The following CANT1 variants were observed in gnomAD, a reference collection of about 807,000 sequenced individuals.
CANT1 encodes soluble calcium-activated nucleotidase 1.
CANT1 carries 26 observed loss-of-function variants against 30.0 expected under a neutral mutation model. The ratio of observed to expected loss-of-function variants is 0.87; its 90% CI spans 0.64 to 1.20. The LOEUF (loss-of-function observed/expected upper bound fraction) is 1.20. CANT1 is among the 50% of genes most tolerant of loss of function. The pLI, the probability that CANT1 is intolerant of heterozygous loss-of-function variation, is 0.00. For synonymous variants in CANT1, 246 were observed against 251.8 expected, an observed-to-expected ratio of 0.98 and a Z score of 0.22; for missense variants, 518 against 563.0, an observed-to-expected ratio of 0.92 and a Z score of 0.81.
chr17:78,995,558 G>A lies in CANT1; in HGVS notation c.632-337C>T, dbSNP rs1309864133. Among the ~76,000 whole-genome samples, 3 of 152,220 alleles carry A rather than the reference G, an allele frequency of 2.0e-5. No homozygotes were observed. The highest frequency in any genetic ancestry group is 3.9e-4 in the East Asian group (2 of 5,194). ...GGGCACGTGTGTCCCAGGGGAGTGC[G>A]GGTGCTGCCCTCGGCCACACCTGAG... On this transcript the variant is annotated intron_variant, in intron 3 of 4. Coordinates refer to ENST00000392446, the MANE Select transcript of CANT1 (RefSeq NM_001159773.2). The surrounding 1 kb of genome is among the most constrained non-coding windows in gnomAD (Gnocchi z 5.7).
chr17:79,007,743 G>A (rs1568048233), intron 1 of CANT1, among the ~76,000 whole-genome samples: 1 of 152,160 alleles, frequency 6.6e-6, no homozygotes, highest in South Asian at 2.1e-4. Flanking sequence ...GAGTGAAAAC[G>A]TTCTGGAGTA....
chr17:78,999,742 C>T (rs2071185764), intron 1 of CANT1, among the ~76,000 whole-genome samples: 2 of 151,262 alleles, frequency 1.3e-5, no homozygotes, highest in Non-Finnish European at 2.9e-5. Context: ...CAACCTCCGC[C>T]TCCTGGGTTC....
At position 78,997,499 on chromosome 17, in the gene CANT1, G is replaced by A. The variant is rs779376004; in HGVS notation, c.124C>T (p.Arg42Cys). ...TKAADPRFRP[R>C]WKVILTFFVG... is the part of the protein sequence containing the mutation. ...AAGAACGTCAGGATCACCTTCCAGC[G>A]GGGGCGGAAGCGGGGGTCCGCGGCC... Residue 42 changes from arginine to cysteine, a missense_variant, in exon 3 of 5, where the codon CGC becomes TGC. Physicochemically the swap from Arg to Cys is radical, Grantham distance 180. Transcript: ENST00000392446. The surrounding 1 kb of genome is among the most constrained non-coding windows in gnomAD (Gnocchi z 7.5). 8 of 1,578,524 alleles carry A rather than the reference G, an allele frequency of 5.1e-6. No individual in the cohort carries two copies. Among genetic ancestry groups the A allele is most frequent in the African/African-American group, 1.3e-5 (1 of 74,228 alleles).
In CANT1 at chr17:78,996,769, T is replaced by A. The variant is rs1280196667; in HGVS notation, c.631+223A>T. ...CACGTCTCCCACAGGCCTCTAGCGATAAGCTCTTCCTCCTAGAAACTGCTC... is the reference window on the plus strand; with the variant it reads ...CACGTCTCCCACAGGCCTCTAGCGAAAAGCTCTTCCTCCTAGAAACTGCTC... On this transcript the variant is annotated intron_variant, in intron 3 of 4. Transcript: ENST00000392446. This position sits in a 1 kb window ranked among gnomAD's most constrained non-coding sequence, Gnocchi z 5.1. Among the ~76,000 whole-genome samples the A allele has an allele frequency of 6.6e-6, 1 of 152,136 alleles. No individual in the cohort carries two copies. Among genetic ancestry groups the A allele is most frequent in the African/African-American group, 2.4e-5 (1 of 41,436 alleles).
chr17:79,007,723 A>G (rs116304803), intron 1 of CANT1, among the ~76,000 whole-genome samples: 3,936 of 152,316 alleles, frequency 0.026, 59 homozygotes, highest in Middle Eastern at 0.041. Flanking sequence ...CCAGGTGCAC[A>G]GTGACGGGTG....
Position 78,995,291 on chromosome 17 carries a change from G to T in CANT1, c.632-70C>A. 1 of 1,506,558 alleles carries T rather than the reference G, an allele frequency of 6.6e-7. No individual in the cohort carries two copies. The highest frequency in any genetic ancestry group is 9.1e-7 in the Non-Finnish European group (1 of 1,104,268). The allele number at this position is 1,506,558 out of a possible 1,614,324, so 93.3% of individuals were successfully genotyped here. On this transcript the variant is annotated intron_variant, in intron 3 of 4. Transcript: ENST00000392446. This position sits in a 1 kb window ranked among gnomAD's most constrained non-coding sequence, Gnocchi z 5.7. ...GCACCCCTGCACCTGGCTCCCACCCGGCCCCGCACCTGTCCTTAGACCCCG... is the reference window on the plus strand; with the variant it reads ...GCACCCCTGCACCTGGCTCCCACCCTGCCCCGCACCTGTCCTTAGACCCCG...
chr17:78,995,795 GT>G lies in CANT1; in HGVS notation c.632-575del, dbSNP rs1293074409. Among the ~76,000 whole-genome samples, 1 of 152,196 alleles carries G rather than the reference GT, an allele frequency of 6.6e-6. No homozygotes were observed. The highest frequency in any genetic ancestry group is 1.5e-5 in the Non-Finnish European group (1 of 68,036). ...ATTCTTATCATCCCTACACCCTGGT[GT>G]TCTAACTTCTGTTTGCTTTCCCCAA... On this transcript the variant is annotated intron_variant, in intron 3 of 4. Coordinates refer to ENST00000392446, the MANE Select transcript of CANT1 (RefSeq NM_001159773.2). The surrounding 1 kb of genome is among the most constrained non-coding windows in gnomAD (Gnocchi z 5.7).
chr17:79,006,999 C>T (rs1322203884), intron 1 of CANT1, among the ~76,000 whole-genome samples: 3 of 152,232 alleles, frequency 2.0e-5, no homozygotes, highest in African/African-American at 4.8e-5. Flanking sequence ...GGTGGCATCA[C>T]GCACTGTCTT....
rs2070860786 is a variant in CANT1, at chr17:78,992,148, A to G, written c.*1402T>C. ...CTTCGCTTCCTCCACTACCTATGAC[A>G]TAGCGGGGGAAAGAGACAACCATGA... On this transcript the variant is annotated 3_prime_UTR_variant, in exon 5 of 5. Coordinates refer to ENST00000392446, the MANE Select transcript of CANT1 (RefSeq NM_001159773.2). 2 of 232,236 alleles carry G rather than the reference A, an allele frequency of 8.6e-6. No individual in the cohort carries two copies. Among genetic ancestry groups the G allele is most frequent in the East Asian group, 6.1e-5 (1 of 16,406 alleles). The allele number at this position is 232,236 out of a possible 1,614,324, so 14.4% of individuals were successfully genotyped here. A position where few individuals can be genotyped will look rare whatever the true frequency, so the allele number is the denominator to read the frequency against.
At chr17:78,994,948 C>T in intron 4 of CANT1, 70 bp downstream of exon 4, 1 of 1,483,018 alleles carries the variant, frequency 6.7e-7, no homozygotes, top group East Asian at 2.5e-5. Context: ...GAGGCAAATG[C>T]AGGAGGAAGC....
In CANT1 at chr17:78,993,871, C is replaced by T. The variant is rs1469385683; in HGVS notation, c.885G>A (p.Trp295Ter). 3 of 1,595,982 alleles carry T rather than the reference C, an allele frequency of 1.9e-6. No homozygotes were observed. The Admixed American group carries it at 5.1e-5, about 27-fold the overall frequency. ...SACWSDTLQR[W>*]FFLPRRASQE... is the part of the protein sequence containing the mutation. ...GGCTGGCGCGGCGCGGCAGGAAGAA[C>T]CAGCGCTGCAGCGTGTCACTCCAGC... The change falls in exon 5 of 5, where the codon TGG (tryptophan) becomes TGA (stop). Residue 295 changes from tryptophan to a stop codon, truncating the protein, a stop_gained. Coordinates refer to ENST00000392446, the MANE Select transcript of CANT1 (RefSeq NM_001159773.2). LOFTEE classifies it high-confidence loss of function. This position sits in a 1 kb window ranked among gnomAD's most constrained non-coding sequence, Gnocchi z 4.5.
intron 1 of CANT1, among the ~76,000 whole-genome samples, chr17:78,999,163 GC>G (rs538303118): frequency 1.2e-3 from 183 of 152,322 alleles, no homozygotes; most frequent in African/African-American, 4.2e-3. Context: ...AGTGAACAAG[GC>G]ACATACGTGG....
Position 78,997,713 on chromosome 17 carries a change from G to T in CANT1, c.-22-69C>A. 7.3e-7 allele frequency: 1 copy of T among 1,369,762 alleles called. No individual in the cohort carries two copies. Among genetic ancestry groups the T allele is most frequent in the Non-Finnish European group, 9.7e-7 (1 of 1,027,338 alleles). The allele number at this position is 1,369,762 out of a possible 1,614,324, so 84.9% of individuals were successfully genotyped here. A position where few individuals can be genotyped will look rare whatever the true frequency, so the allele number is the denominator to read the frequency against. On this transcript the variant is annotated intron_variant, in intron 2 of 4. Coordinates refer to ENST00000392446, the MANE Select transcript of CANT1 (RefSeq NM_001159773.2). This position sits in a 1 kb window ranked among gnomAD's most constrained non-coding sequence, Gnocchi z 7.5. ...GCCCAGTCACATCTTAGTTCCGGAAGCTGCAGGCGCTGGAGGCTGACTTTT... is the reference window on the plus strand; with the variant it reads ...GCCCAGTCACATCTTAGTTCCGGAATCTGCAGGCGCTGGAGGCTGACTTTT...
Position 78,992,552 on chromosome 17 carries a change from C to G in CANT1, c.*998G>C, listed in dbSNP as rs78037898. Reference sequence around the variant, plus strand: ...GAGAAATAAAGGCCATGGAAAGAAACCCCAGGGAAGAGACAGGCCTCGTTC... The same window carrying G: ...GAGAAATAAAGGCCATGGAAAGAAAGCCCAGGGAAGAGACAGGCCTCGTTC... On this transcript the variant is annotated 3_prime_UTR_variant, in exon 5 of 5. Coordinates refer to ENST00000392446, the MANE Select transcript of CANT1 (RefSeq NM_001159773.2). 1.3e-5 allele frequency: 5 copies of G among 386,594 alleles called. No homozygotes were observed. In the Admixed American group the frequency reaches 1.8e-4, roughly 14 times the overall value. 23.9% of individuals were successfully genotyped at this position (386,594 alleles called of 1,614,324 possible).
At chr17:79,001,177 G>A (rs1254363942) in intron 1 of CANT1, among the ~76,000 whole-genome samples, 1 of 152,138 alleles carries the variant, frequency 6.6e-6, no homozygotes, top group Admixed American at 6.5e-5. Context: ...ACATCGTGAG[G>A]TGTCGTCGTC....
At chr17:79,005,709 G>A (rs569902585) in intron 1 of CANT1, among the ~76,000 whole-genome samples, 3 of 152,236 alleles carry the variant, frequency 2.0e-5, no homozygotes, top group African/African-American at 7.2e-5. Flanking sequence ...CACCCAGAGA[G>A]CAGGCAGGCA....
chr17:78,993,477 A>C lies in CANT1; in HGVS notation c.*73T>G. 1 of 1,608,618 alleles carries C rather than the reference A, an allele frequency of 6.2e-7. No homozygotes were observed. The highest frequency in any genetic ancestry group is 8.5e-7 in the Non-Finnish European group (1 of 1,176,832). ...GCACAGTTCCAAAAAGAACAAAACAAAACAAAAGTGCACTCCTCTTGTTTT... is the reference window on the plus strand; with the variant it reads ...GCACAGTTCCAAAAAGAACAAAACACAACAAAAGTGCACTCCTCTTGTTTT... On this transcript the variant is annotated 3_prime_UTR_variant, in exon 5 of 5. Coordinates refer to ENST00000392446, the MANE Select transcript of CANT1 (RefSeq NM_001159773.2). This position sits in a 1 kb window ranked among gnomAD's most constrained non-coding sequence, Gnocchi z 4.5.
intron 1 of CANT1, among the ~76,000 whole-genome samples, chr17:79,003,159 G>A (rs555690321): frequency 5.3e-5 from 8 of 152,248 alleles, no homozygotes; most frequent in Middle Eastern, 3.4e-3. Context: ...GAGACGCCAG[G>A]GCCTCAGCCA....
rs1020750259 is a variant in CANT1, at chr17:79,008,463, C to T, written c.-147+1201G>A. ...TGGGCCCTTACACTGGAGAGCTAGCCGGATTCACTTGACACCAAGAGCCTC... is the reference window on the plus strand; with the variant it reads ...TGGGCCCTTACACTGGAGAGCTAGCTGGATTCACTTGACACCAAGAGCCTC... On this transcript the variant is annotated intron_variant, in intron 1 of 4. Coordinates refer to ENST00000392446, the MANE Select transcript of CANT1 (RefSeq NM_001159773.2). This position sits in a 1 kb window ranked among gnomAD's most constrained non-coding sequence, Gnocchi z 4.4. 2.0e-5 allele frequency among the ~76,000 whole-genome samples: 3 copies of T among 152,196 alleles called. No homozygotes were observed. Among genetic ancestry groups the T allele is most frequent in the Admixed American group, 2.0e-4 (3 of 15,288 alleles).
Sources: gnomAD v4.1 joint callset for allele counts (sites outside exome capture counted in the v4.1 genomes callset) on GRCh38, gnomAD v4.1.1 for gene constraint, Gnocchi (gnomAD v3.1) non-coding constraint, MANE v1.5 for transcripts, NCBI Gene and HGNC (gene_info 2026-07-23, HGNC 2026-07-21) for gene names.